Variants in COPG1 observed in about 807,000 individuals in gnomAD.
The protein encoded by COPG1 is coatomer subunit gamma-1.
Under a neutral mutation model 102.8 loss-of-function variants are expected in COPG1, and 29 were observed. The ratio of observed to expected loss-of-function variants is 0.28; its 90% CI spans 0.21 to 0.38. COPG1 has a LOEUF of 0.38. Ranked by LOEUF, COPG1 falls within the 10% of genes least tolerant of loss-of-function variation. The pLI, the probability that COPG1 is intolerant of heterozygous loss-of-function variation, is 1.00. For synonymous variants in COPG1, 406 were observed against 421.6 expected (o/e 0.96, Z 0.45); for missense variants, 875 against 1,132.7 (o/e 0.77, Z 3.27).
At chr3:129,277,112 G>A (rs1463180331) in intron 23 of COPG1, among the ~76,000 whole-genome samples, 182 bp from the exon 24 acceptor site, 6 of 151,722 alleles carry the variant, frequency 4.0e-5, no homozygotes, top group Admixed American at 2.6e-4. Context: ...GTGAGCCACC[G>A]CGCCTGGCTG....
At chr3:129,258,477 A>T (rs1478029052) in intron 10 of COPG1, among the ~76,000 whole-genome samples, 2 of 152,214 alleles carry the variant, frequency 1.3e-5, no homozygotes, top group African/African-American at 2.4e-5. Context: ...TTGCTTTTTG[A>T]GACGGAGTCT....
At position 129,255,029 on chromosome 3, in the gene COPG1, T is replaced by C; in HGVS notation, c.444T>C (p.Ile148=). The change falls in exon 7 of 24, where the codon ATT becomes ATC. Residue 148 remains isoleucine, a synonymous_variant. Coordinates refer to ENST00000314797, the MANE Select transcript of COPG1 (RefSeq NM_016128.4). The stretch of plus-strand genomic sequence containing the variant: ...TTGAGCGCTACATGAAACAAGCCAT[T>C]GTGGACAAGGTGCCCAGTGTCTCCA... ...QAIERYMKQA[I]VDKVPSVSSS... 1.9e-6 allele frequency: 3 copies of C among 1,614,184 alleles called. No individual in the cohort carries two copies. The highest frequency in any genetic ancestry group is 1.6e-4 in the Middle Eastern group (1 of 6,062).
In COPG1 at chr3:129,256,057, G is replaced by C; in HGVS notation, c.493-11G>C. On this transcript the variant is annotated splice_polypyrimidine_tract_variant and intron_variant, in intron 7 of 23. Transcript: ENST00000314797. ...TCCTACCTGCCCCTTAATGTGTCCTGTTGCCCACAGCACCTGCTGAAGTGC... is the reference window on the plus strand; with the variant it reads ...TCCTACCTGCCCCTTAATGTGTCCTCTTGCCCACAGCACCTGCTGAAGTGC... The C allele has an allele frequency of 6.2e-7, 1 of 1,613,148 alleles. No individual in the cohort carries two copies. The highest frequency in any genetic ancestry group is 1.7e-5 in the Admixed American group (1 of 60,006).
intron 21 of COPG1, 143 bp from the exon 22 acceptor site, chr3:129,274,695 C>T (rs568311268): frequency 7.6e-6 from 7 of 920,730 alleles, no homozygotes; most frequent in Non-Finnish European, 1.1e-5. Flanking sequence ...TCAAGTTGCT[C>T]TATGTCCCCA....
At chr3:129,257,113 C>T (rs1408787787) in intron 8 of COPG1, among the ~76,000 whole-genome samples, 1 of 152,240 alleles carries the variant, frequency 6.6e-6, no homozygotes, top group Non-Finnish European at 1.5e-5. Context: ...TGCTCAGGGT[C>T]TGGCTCCCAC....
At chr3:129,270,539 C>G (rs546976326) in intron 18 of COPG1, among the ~76,000 whole-genome samples, 1 of 152,268 alleles carries the variant, frequency 6.6e-6, no homozygotes, top group East Asian at 1.9e-4. Context: ...GAAAAGCACT[C>G]TAGTGGTTGA....
At chr3:129,254,518 G>C (rs906933041) in intron 5 of COPG1, 150 bp from the exon 6 acceptor site, 1 of 585,016 alleles carries the variant, frequency 1.7e-6, no homozygotes, top group East Asian at 2.9e-5. Context: ...TCCAGCAGCT[G>C]TGTGGAGTTA....
In COPG1 at chr3:129,277,484, C is replaced by T; in HGVS notation, c.*60C>T. 1 of 1,554,736 alleles carries T rather than the reference C, an allele frequency of 6.4e-7. No homozygotes were observed. The highest frequency in any genetic ancestry group is 8.8e-7 in the Non-Finnish European group (1 of 1,135,592). On this transcript the variant is annotated 3_prime_UTR_variant, in exon 24 of 24. Transcript: ENST00000314797. ...CAACACTACCTGGAAGTTGTGCCTT[C>T]CTCATGAAACTGGCAGAAACCCCTT...
rs1940173473 is a variant in COPG1, at chr3:129,271,082, A to T, written c.1844-685A>T. Among the ~76,000 whole-genome samples the T allele has an allele frequency of 6.6e-6, 1 of 152,226 alleles. No individual in the cohort carries two copies. Among genetic ancestry groups the T allele is most frequent in the Non-Finnish European group, 1.5e-5 (1 of 68,040 alleles). On this transcript the variant is annotated intron_variant, in intron 18 of 23. Coordinates refer to ENST00000314797, the MANE Select transcript of COPG1 (RefSeq NM_016128.4). This position sits in a 1 kb window ranked among gnomAD's most constrained non-coding sequence, Gnocchi z 4.7. ...TACAAGAGTGGCAGCTGTAGCCATT[A>T]TAGGTGGACACCATGTGCACACATC...
At chr3:129,255,161 G>A (rs1019649313) in intron 7 of COPG1, 84 bp downstream of exon 7, 4 of 847,122 alleles carry the variant, frequency 4.7e-6, no homozygotes, top group Non-Finnish European at 1.9e-6. Flanking sequence ...TAGGAAAAAA[G>A]AAAGTGTTTC....
chr3:129,265,656 G>A lies in COPG1; in HGVS notation c.1332G>A (p.Glu444=). The A allele has an allele frequency of 6.2e-7, 1 of 1,614,176 alleles. No individual in the cohort carries two copies. The highest frequency in any genetic ancestry group is 8.5e-7 in the Non-Finnish European group (1 of 1,180,034). ...TGLSHLCEFI[E]DCEFTVLATR... ...TGTCACATCTGTGCGAGTTCATCGA[G>A]GACTGCGAGTTCACAGTGCTGGCCA... Residue 444 remains glutamate, a synonymous_variant, in exon 14 of 24, where the codon GAG becomes GAA. Coordinates refer to ENST00000314797, the MANE Select transcript of COPG1 (RefSeq NM_016128.4).
At chr3:129,257,941 A>G in intron 10 of COPG1, 81 bp downstream of exon 10, 1 of 1,544,528 alleles carries the variant, frequency 6.5e-7, no homozygotes, top group Non-Finnish European at 8.8e-7. Context: ...TAGGAGAAAG[A>G]AAGAAAATGC....
At position 129,268,975 on chromosome 3, in the gene COPG1, A is replaced by G. The variant is rs1490897997; in HGVS notation, c.1818A>G (p.Ala606=). ...CAGTCAAACAGCCTGAGAAAGTGGCAGCTACCAGGCAGGAGATCTTCCAGG... is the reference window on the plus strand; with the variant it reads ...CAGTCAAACAGCCTGAGAAAGTGGCGGCTACCAGGCAGGAGATCTTCCAGG... The part of the protein sequence containing the change: ...ITAVKQPEKV[A]ATRQEIFQEQ... Residue 606 remains alanine, a synonymous_variant, in exon 18 of 24, where the codon GCA becomes GCG. Coordinates refer to ENST00000314797, the MANE Select transcript of COPG1 (RefSeq NM_016128.4). The G allele has an allele frequency of 6.2e-7, 1 of 1,614,168 alleles. No homozygotes were observed. Among genetic ancestry groups the G allele is most frequent in the Non-Finnish European group, 8.5e-7 (1 of 1,180,010 alleles).
intron 5 of COPG1, 81 bp from the exon 6 acceptor site, chr3:129,254,586 TG>T: frequency 1.0e-6 from 1 of 989,422 alleles, no homozygotes; most frequent in Non-Finnish European, 1.6e-6. Flanking sequence ...TGTAGTAATC[TG>T]GGCAAGGGTG....
At position 129,271,797 on chromosome 3, in the gene COPG1, G is replaced by A; in HGVS notation, c.1874G>A (p.Gly625Asp). Residue 625 changes from glycine to aspartate, a missense_variant, in exon 19 of 24, where the codon GGT (glycine) becomes GAT (aspartate). Transcript: ENST00000314797. The surrounding 1 kb of genome is among the most constrained non-coding windows in gnomAD (Gnocchi z 4.7). ...EQLAAVPEFR[G>D]LGPLFKSSPE... is the part of the protein sequence containing the mutation. Reference sequence around the variant, plus strand: ...TTGGCAGCAGTGCCAGAGTTCCGCGGTCTTGGGCCCCTCTTCAAGTCCTCG... The same window carrying A: ...TTGGCAGCAGTGCCAGAGTTCCGCGATCTTGGGCCCCTCTTCAAGTCCTCG... The A allele has an allele frequency of 6.2e-7, 1 of 1,614,246 alleles. No homozygotes were observed.
chr3:129,272,190 C>T, intron 19 of COPG1, 54 bp from the exon 20 acceptor site: 1 of 1,521,150 alleles, frequency 6.6e-7, no homozygotes, highest in African/African-American at 1.4e-5. Flanking sequence ...TTTTCCTCTG[C>T]AGCATGGCTC....
rs367900281 is a variant in COPG1, at chr3:129,271,945, C to T, written c.1986+36C>T. Reference sequence around the variant, plus strand: ...TGGGCTGAGGCCCTGCTGGGGCATGCGCCCAGGGAGTTGTCCCAGGTCTGG... The same window carrying T: ...TGGGCTGAGGCCCTGCTGGGGCATGTGCCCAGGGAGTTGTCCCAGGTCTGG... On this transcript the variant is annotated intron_variant, in intron 19 of 23. Coordinates refer to ENST00000314797, the MANE Select transcript of COPG1 (RefSeq NM_016128.4). The surrounding 1 kb of genome is among the most constrained non-coding windows in gnomAD (Gnocchi z 4.7). 21 of 1,606,366 alleles carry T rather than the reference C, an allele frequency of 1.3e-5. No individual in the cohort carries two copies. The highest frequency in any genetic ancestry group is 1.1e-4 in the African/African-American group (8 of 74,810).
At position 129,257,809 on chromosome 3, in the gene COPG1, A is replaced by G. The variant is rs748661124; in HGVS notation, c.820A>G (p.Ile274Val). The G allele has an allele frequency of 3.7e-6, 6 of 1,614,132 alleles. No individual in the cohort carries two copies. The highest frequency in any genetic ancestry group is 3.3e-5 in the Admixed American group (2 of 60,032). The part of the protein sequence containing the change: ...EMVVYEAASA[I>V]VNLPGCSAKE... The stretch of plus-strand genomic sequence containing the variant: ...GGTGGTGTATGAAGCCGCCTCGGCC[A>G]TCGTCAATCTGCCAGGCTGCAGTGC... Residue 274 changes from isoleucine (I) to valine (V), a missense_variant, in exon 10 of 24, where the codon ATC becomes GTC. Ile to Val is a conservative substitution (Grantham distance 29). Transcript: ENST00000314797.
intron 7 of COPG1, 60 bp from the exon 8 acceptor site, chr3:129,256,008 C>A: frequency 6.8e-7 from 1 of 1,465,614 alleles, no homozygotes; most frequent in Non-Finnish European, 9.5e-7. Flanking sequence ...CAGAACTGGG[C>A]CCAGAATGTG....
Sources: gnomAD v4.1 joint callset for allele counts (sites outside exome capture counted in the v4.1 genomes callset) on GRCh38, gnomAD v4.1.1 for gene constraint, Gnocchi (gnomAD v3.1) non-coding constraint, MANE v1.5 for transcripts, NCBI Gene and HGNC (gene_info 2026-07-23, HGNC 2026-07-21) for gene names.